The following LRFN5 variants were observed in gnomAD, a reference collection of about 807,000 sequenced individuals.
LRFN5 encodes leucine rich repeat and fibronectin type III domain containing 5, also known as leucine-rich repeat and fibronectin type-III domain-containing protein 5.
A neutral mutation model predicts 45.6 loss-of-function variants in LRFN5; 24 were observed. That is an observed-to-expected ratio of 0.53 (90% CI 0.38 to 0.74). The LOEUF (loss-of-function observed/expected upper bound fraction) is 0.74. LRFN5 is among the 30% of genes least tolerant of loss of function. The pLI, the probability that LRFN5 is intolerant of heterozygous loss-of-function variation, is 0.00. For missense variants in LRFN5, 776 were observed against 861.5 expected (o/e 0.90, Z 1.24); for synonymous variants, 340 against 313.8 (o/e 1.08, Z -0.88).
intron 1 of LRFN5, among the ~76,000 whole-genome samples, chr14:41,675,483 A>G (rs568719883): frequency 6.6e-6 from 1 of 152,286 alleles, no homozygotes; most frequent in South Asian, 2.1e-4. Context: ...CGCGCCTGCA[A>G]TCGCAGGCAC....
At chr14:41,756,448 G>A (rs557834991) in intron 1 of LRFN5, among the ~76,000 whole-genome samples, 21 of 152,128 alleles carry the variant, frequency 1.4e-4, no homozygotes, top group Non-Finnish European at 2.2e-4. Flanking sequence ...ATATTTCTTG[G>A]AGGCTTTATT....
chr14:41,808,357 GGAAGGAAGGAAGGAAGGGAAA>G, intron 2 of LRFN5, among the ~76,000 whole-genome samples: 1 of 113,502 alleles, frequency 8.8e-6, no homozygotes, highest in Non-Finnish European at 1.8e-5. Flanking sequence ...GATGAAGGAA[GGAAGGAAGGAAGGAAGGGAAA>G]GAAGGAAGGA....
At chr14:41,619,472 G>A (rs1390842236) in intron 1 of LRFN5, among the ~76,000 whole-genome samples, 2 of 151,610 alleles carry the variant, frequency 1.3e-5, no homozygotes, top group South Asian at 2.1e-4. Context: ...TTTGTGAGGG[G>A]GTACCTGAAA....
At chr14:41,862,861 C>CTTTTTTTTTTTTTTT (rs536861522) in intron 2 of LRFN5, among the ~76,000 whole-genome samples, 1 of 110,232 alleles carries the variant, frequency 9.1e-6, no homozygotes, top group Non-Finnish European at 1.8e-5. Flanking sequence ...TTAAGTCTCT[C>CTTTTTTTTTTTTTTT]TTTTTTTTTT....
intron 5 of LRFN5, among the ~76,000 whole-genome samples, chr14:41,899,170 A>G (rs1221597604): frequency 6.6e-6 from 1 of 152,138 alleles, no homozygotes; most frequent in Non-Finnish European, 1.5e-5. Flanking sequence ...GGGGTTAACT[A>G]AACATCTCTG....
At chr14:41,628,233 C>T (rs1888402751) in intron 1 of LRFN5, among the ~76,000 whole-genome samples, 1 of 152,132 alleles carries the variant, frequency 6.6e-6, no homozygotes, top group African/African-American at 2.4e-5. Context: ...CTTTTTCTCA[C>T]TAAGCTGTCA....
At chr14:41,622,826 T>C (rs924788750) in intron 1 of LRFN5, among the ~76,000 whole-genome samples, 1 of 152,154 alleles carries the variant, frequency 6.6e-6, no homozygotes, top group Non-Finnish European at 1.5e-5. Context: ...TAATCTGAAA[T>C]ACAGAATTCT....
At chr14:41,789,688 G>A (rs1338796519) in intron 2 of LRFN5, among the ~76,000 whole-genome samples, 7 of 151,866 alleles carry the variant, frequency 4.6e-5, no homozygotes, top group Non-Finnish European at 1.0e-4. Flanking sequence ...TCACTATAGA[G>A]TCTTCATTTG....
At chr14:41,650,124 G>A (rs1309343879) in intron 1 of LRFN5, among the ~76,000 whole-genome samples, 1 of 151,986 alleles carries the variant, frequency 6.6e-6, no homozygotes, top group Non-Finnish European at 1.5e-5. Context: ...GCCGAGCGTG[G>A]TGGCTCACAC....
intron 1 of LRFN5, among the ~76,000 whole-genome samples, chr14:41,685,074 G>T (rs1169167898): frequency 6.6e-6 from 1 of 152,136 alleles, no homozygotes; most frequent in African/African-American, 2.4e-5. Flanking sequence ...AATCACTGGG[G>T]AAATGCAAAT....
At chr14:41,778,080 A>AT (rs764032591) in intron 2 of LRFN5, among the ~76,000 whole-genome samples, 195 of 150,418 alleles carry the variant, frequency 1.3e-3, no homozygotes, top group Non-Finnish European at 2.2e-3. Flanking sequence ...TTTTAATAGT[A>AT]TTTTTTCCAG....
intron 2 of LRFN5, among the ~76,000 whole-genome samples, chr14:41,857,121 A>G (rs77325362): frequency 0.013 from 1,971 of 152,268 alleles, 39 homozygotes; most frequent in African/African-American, 0.046. Context: ...CTTGCTATGT[A>G]TAAAGTCCTT....
intron 1 of LRFN5, among the ~76,000 whole-genome samples, chr14:41,714,369 C>A (rs1368406697): frequency 6.6e-6 from 1 of 151,922 alleles, no homozygotes; most frequent in Non-Finnish European, 1.5e-5. Flanking sequence ...TTATTTACCC[C>A]CAAAGCACAA....
chr14:41,646,616 G>A (rs1879829665), intron 1 of LRFN5, among the ~76,000 whole-genome samples: 1 of 152,098 alleles, frequency 6.6e-6, no homozygotes, highest in Non-Finnish European at 1.5e-5. Flanking sequence ...ATTATGCCCT[G>A]ATAAGCTCGC....
chr14:41,876,140 A>G (rs1161851138), intron 2 of LRFN5, among the ~76,000 whole-genome samples: 1 of 152,208 alleles, frequency 6.6e-6, no homozygotes, highest in African/African-American at 2.4e-5. Flanking sequence ...AGAGCAGACC[A>G]GAAATCATTT....
At chr14:41,743,190 G>C (rs1566648076) in intron 1 of LRFN5, among the ~76,000 whole-genome samples, 1 of 152,128 alleles carries the variant, frequency 6.6e-6, no homozygotes, top group Non-Finnish European at 1.5e-5. Flanking sequence ...AACATTTCAT[G>C]TTGTGCATTT....
intron 1 of LRFN5, among the ~76,000 whole-genome samples, chr14:41,702,748 A>G (rs985393670): frequency 6.6e-6 from 1 of 151,802 alleles, no homozygotes; most frequent in African/African-American, 2.4e-5. Context: ...TATAGACATG[A>G]GCCACTAAAC....
intron 3 of LRFN5, among the ~76,000 whole-genome samples, chr14:41,890,068 C>T (rs774516190): frequency 9.9e-5 from 15 of 152,002 alleles, no homozygotes; most frequent in Non-Finnish European, 1.9e-4. Flanking sequence ...TTCACCGTAT[C>T]GGTCAGGCTG....
At chr14:41,668,482 C>G (rs1204876737) in intron 1 of LRFN5, among the ~76,000 whole-genome samples, 1 of 151,954 alleles carries the variant, frequency 6.6e-6, no homozygotes, top group Non-Finnish European at 1.5e-5. Flanking sequence ...TGTTGTATCA[C>G]CCCTCCTATC....
Sources: allele counts gnomAD v4.1 joint callset (sites outside exome capture counted in the v4.1 genomes callset), GRCh38; gene constraint gnomAD v4.1.1; transcripts MANE v1.5; gene names NCBI Gene and HGNC (gene_info 2026-07-23, HGNC 2026-07-21).